Variants in MKX observed in about 807,000 individuals in gnomAD.
The protein encoded by MKX is mohawk homeobox, also known as homeobox protein Mohawk.
Under a neutral mutation model 36.0 loss-of-function variants are expected in MKX, and 13 were observed. That is an observed-to-expected ratio of 0.36 (90% CI 0.24 to 0.57). MKX has a LOEUF of 0.57. Among genes scored for constraint, MKX ranks in the 20% least tolerant of loss-of-function variants. The pLI is 0.79. For missense variants in MKX, 458 were observed against 456.4 expected (o/e 1.00, Z -0.03); for synonymous variants, 176 against 178.3 (o/e 0.99, Z 0.10).
At chr10:27,723,548 C>T (rs1834424553) in intron 5 of MKX, among the ~76,000 whole-genome samples, 1 of 152,168 alleles carries the variant, frequency 6.6e-6, no homozygotes, top group Non-Finnish European at 1.5e-5. Flanking sequence ...ATATTGCAAC[C>T]ATCCAGCTTC....
At chr10:27,717,076 T>C (rs1836979035) in intron 5 of MKX, among the ~76,000 whole-genome samples, 1 of 151,716 alleles carries the variant, frequency 6.6e-6, no homozygotes, top group Non-Finnish European at 1.5e-5. Flanking sequence ...AGGAAGGGAG[T>C]TGGGCAGCCT....
intron 5 of MKX, among the ~76,000 whole-genome samples, chr10:27,694,527 A>AAAAAATATATATAT (rs547670335): frequency 2.6e-5 from 3 of 114,334 alleles, no homozygotes; most frequent in East Asian, 2.5e-4. Context: ...AAAAAAAAAA[A>AAAAAATATATATAT]ATATATATAT....
intron 5 of MKX, among the ~76,000 whole-genome samples, chr10:27,711,483 C>CTTTCTTTCTTTCTT (rs1391922537): frequency 3.6e-4 from 23 of 63,290 alleles, no homozygotes; most frequent in African/African-American, 8.1e-4. Context: ...TTCTTTCTTT[C>CTTTCTTTCTTTCTT]TCTCTCTCTC....
At chr10:27,734,401 T>G in intron 5 of MKX, 55 bp downstream of exon 5, 1 of 1,465,344 alleles carries the variant, frequency 6.8e-7, no homozygotes, top group Non-Finnish European at 9.4e-7. Flanking sequence ...TGATGCAGTT[T>G]TAATTGTGCT....
At chr10:27,719,504 A>G (rs138229805) in intron 5 of MKX, among the ~76,000 whole-genome samples, 1,644 of 152,134 alleles carry the variant, frequency 0.011, 10 homozygotes, top group Non-Finnish European at 0.016. Flanking sequence ...AGGTTAGGGG[A>G]CCTGTCTAAG....
chr10:27,731,017 C>G (rs543223599), intron 5 of MKX, among the ~76,000 whole-genome samples: 4 of 151,010 alleles, frequency 2.6e-5, no homozygotes, highest in African/African-American at 7.3e-5. Context: ...ACCTGTAATC[C>G]CAACTACTCA....
intron 5 of MKX, among the ~76,000 whole-genome samples, chr10:27,702,161 G>A (rs1009257704): frequency 2.0e-5 from 3 of 152,100 alleles, no homozygotes; most frequent in African/African-American, 4.8e-5. Flanking sequence ...AGCCAGGCAC[G>A]GACAAAGCCA....
At chr10:27,745,137 C>A (rs1835024490) in intron 1 of MKX, among the ~76,000 whole-genome samples, 1 of 151,702 alleles carries the variant, frequency 6.6e-6, no homozygotes, top group Non-Finnish European at 1.5e-5. Context: ...CTCCGAGCCA[C>A]CCCAGCGCGT....
intron 5 of MKX, among the ~76,000 whole-genome samples, chr10:27,711,499 T>TCTCTC (rs1554772224): frequency 3.2e-5 from 3 of 93,032 alleles, no homozygotes; most frequent in African/African-American, 1.6e-4. Flanking sequence ...CTCTCTCTTC[T>TCTCTC]TTCCTTCCTT....
intron 5 of MKX, among the ~76,000 whole-genome samples, chr10:27,681,589 T>C (rs1836255729): frequency 6.6e-6 from 1 of 152,146 alleles, no homozygotes; most frequent in South Asian, 2.1e-4. Flanking sequence ...ATATTTTTTA[T>C]TGTTATTTGA....
chr10:27,716,436 C>CAAAAAA (rs56913373), intron 5 of MKX, among the ~76,000 whole-genome samples: 1 of 127,672 alleles, frequency 7.8e-6, no homozygotes, highest in Non-Finnish European at 1.6e-5. Context: ...AAAAAAAAAG[C>CAAAAAA]AAAAAAAAAA....
At chr10:27,700,211 T>C (rs906951988) in intron 5 of MKX, among the ~76,000 whole-genome samples, 1 of 152,224 alleles carries the variant, frequency 6.6e-6, no homozygotes, top group African/African-American at 2.4e-5. Context: ...CAAAGTATGG[T>C]ATTACTTTGG....
intron 5 of MKX, among the ~76,000 whole-genome samples, chr10:27,687,957 A>C (rs1228594488): frequency 3.3e-5 from 5 of 152,248 alleles, no homozygotes; most frequent in Non-Finnish European, 1.5e-5. Context: ...GTCAGAGTCC[A>C]GACTCTAGAC....
chr10:27,704,477 A>T (rs1371440977), intron 5 of MKX, among the ~76,000 whole-genome samples: 1 of 152,120 alleles, frequency 6.6e-6, no homozygotes, highest in African/African-American at 2.4e-5. Flanking sequence ...CAGAAACATG[A>T]GTAAAAAGAA....
rs539502216 is a variant in MKX at position 27,687,777 on chromosome 10, G to C, written c.839-12223C>G. On this transcript the variant is annotated intron_variant, in intron 5 of 6. Coordinates refer to ENST00000419761, the MANE Select transcript of MKX (RefSeq NM_173576.3). ...ATCTTCCCCAAGTTTAAAATGTTCA[G>C]CCTGAAGTTTCACTTTGAAGATTTG... is the stretch of plus-strand genomic sequence containing the variant. Among the ~76,000 whole-genome samples the C allele has an allele frequency of 2.8e-4, 42 of 152,342 alleles. No individual in the cohort carries two copies. In the South Asian group the frequency reaches 8.5e-3, roughly 31 times the overall value.
intron 5 of MKX, among the ~76,000 whole-genome samples, chr10:27,729,140 C>T (rs1834560779): frequency 6.6e-6 from 1 of 152,188 alleles, no homozygotes; most frequent in African/African-American, 2.4e-5. Flanking sequence ...AGATGCTTTG[C>T]TTTATACCAG....
intron 5 of MKX, among the ~76,000 whole-genome samples, chr10:27,696,961 T>C (rs1836565593): frequency 6.6e-6 from 1 of 152,224 alleles, no homozygotes; most frequent in Non-Finnish European, 1.5e-5. Context: ...CTAACTGTTA[T>C]ACCCATCCTT....
chr10:27,722,130 G>A (rs996175261), intron 5 of MKX, among the ~76,000 whole-genome samples: 6 of 152,116 alleles, frequency 3.9e-5, no homozygotes, highest in African/African-American at 1.4e-4. Context: ...TATAATCTTG[G>A]GAGAGATCTC....
At chr10:27,684,343 A>AACAC (rs777617950) in intron 5 of MKX, among the ~76,000 whole-genome samples, 1 of 151,264 alleles carries the variant, frequency 6.6e-6, no homozygotes, top group Admixed American at 6.6e-5. Flanking sequence ...TATATATACA[A>AACAC]ACACACACAC....
Sources: gnomAD v4.1 joint callset for allele counts (sites outside exome capture counted in the v4.1 genomes callset) on GRCh38, gnomAD v4.1.1 for gene constraint, MANE v1.5 for transcripts, NCBI Gene and HGNC (gene_info 2026-07-23, HGNC 2026-07-21) for gene names.